The following TSPO variants were observed in gnomAD, a reference collection of about 807,000 sequenced individuals.
TSPO encodes translocator protein.
In TSPO, 14 loss-of-function variants were observed where a neutral mutation model predicts 13.9. The ratio of observed to expected loss-of-function variants is 1.01; its 90% CI spans 0.67 to 1.58. The LOEUF is 1.58. Ranked by LOEUF, TSPO falls within the 40% of genes most tolerant of loss-of-function variation. The pLI is 0.00. For missense variants in TSPO, 232 were observed against 229.6 expected (o/e 1.01, Z -0.07); for synonymous variants, 114 against 105.9 (o/e 1.08, Z -0.47).
At chr22:43,159,597 C>G (rs555505493) in intron 2 of TSPO, 177 bp downstream of exon 2, 2 of 619,284 alleles carry the variant, frequency 3.2e-6, no homozygotes, top group African/African-American at 1.9e-5. Flanking sequence ...TGAACTTTCT[C>G]CTCCTGGGCC....
intron 1 of TSPO, among the ~76,000 whole-genome samples, chr22:43,156,910 G>A (rs1931268021): frequency 6.6e-6 from 1 of 152,184 alleles, no homozygotes; most frequent in Non-Finnish European, 1.5e-5. Context: ...CCTGGGAAAA[G>A]GCACGTACAG....
At chr22:43,153,636 C>A (rs963460199) in intron 1 of TSPO, among the ~76,000 whole-genome samples, 8 of 138,166 alleles carry the variant, frequency 5.8e-5, no homozygotes, top group African/African-American at 2.1e-4. Flanking sequence ...CAGGCGTGAG[C>A]CACCGCGCCC....
intron 1 of TSPO, among the ~76,000 whole-genome samples, chr22:43,153,732 T>A (rs1441332341): frequency 2.6e-5 from 4 of 151,786 alleles, no homozygotes; most frequent in Admixed American, 6.6e-5. Flanking sequence ...TTTTTATTTT[T>A]TTTTTTAACC....
chr22:43,163,040 C>G lies in TSPO; in HGVS notation c.*49C>G. On this transcript the variant is annotated 3_prime_UTR_variant, in exon 4 of 4. Transcript: ENST00000337554. ...AGCTGCACCAGCAGGTGCCATCACG[C>G]TTGTGATGTGGTGGCCGTCACGCTT... 1 of 1,571,072 alleles carries G rather than the reference C, an allele frequency of 6.4e-7. No homozygotes were observed. The highest frequency in any genetic ancestry group is 8.6e-7 in the Non-Finnish European group (1 of 1,158,542).
intron 2 of TSPO, among the ~76,000 whole-genome samples, chr22:43,159,997 G>T (rs1390933426): frequency 2.0e-5 from 3 of 152,136 alleles, no homozygotes; most frequent in Non-Finnish European, 4.4e-5. Flanking sequence ...CAGGAGGCAG[G>T]GAATTGACTG....
intron 2 of TSPO, 44 bp downstream of exon 2, chr22:43,159,464 C>A: frequency 7.1e-7 from 1 of 1,402,700 alleles, no homozygotes; most frequent in Non-Finnish European, 9.3e-7. Flanking sequence ...TGGCCCTTTG[C>A]AAGGGGAGGC....
At position 43,161,179 on chromosome 22, in the gene TSPO, C is replaced by A; in HGVS notation, c.310C>A (p.Gln104Lys). The A allele has an allele frequency of 6.2e-7, 1 of 1,612,874 alleles. No homozygotes were observed. The highest frequency in any genetic ancestry group is 8.5e-7 in the Non-Finnish European group (1 of 1,179,216). The change falls in exon 3 of 4, where the codon CAA (glutamine) becomes AAA (lysine). Residue 104 changes from glutamine (Q) to lysine (K), a missense_variant. By Grantham distance (53) the Gln-to-Lys change is moderately conservative. Coordinates refer to ENST00000337554, the MANE Select transcript of TSPO (RefSeq NM_000714.6). Reference sequence around the variant, plus strand: ...GCCCCCCATCTTCTTTGGTGCCCGACAAATGGGCTGGGTAAGTGTGGCCAC... The same window carrying A: ...GCCCCCCATCTTCTTTGGTGCCCGAAAAATGGGCTGGGTAAGTGTGGCCAC... ...AWPPIFFGAR[Q>K]MGWALVDLLL...
At chr22:43,159,123 A>ATCC in intron 1 of TSPO, 87 bp from the exon 2 acceptor site, 1 of 1,079,104 alleles carries the variant, frequency 9.3e-7, no homozygotes, top group Non-Finnish European at 1.3e-6. Flanking sequence ...TCTGTGGGTG[A>ATCC]CAGGCCTTTC....
chr22:43,157,743 G>A (rs949801573), intron 1 of TSPO, among the ~76,000 whole-genome samples: 3 of 152,142 alleles, frequency 2.0e-5, no homozygotes, highest in African/African-American at 4.8e-5. Flanking sequence ...AGGCTGAGAC[G>A]GGAGAATCCC....
chr22:43,158,150 A>G (rs1931313610), intron 1 of TSPO, among the ~76,000 whole-genome samples: 1 of 150,644 alleles, frequency 6.6e-6, no homozygotes, highest in Non-Finnish European at 1.5e-5. Context: ...ACACCCCTCT[A>G]CCCCCGCTTG....
intron 1 of TSPO, among the ~76,000 whole-genome samples, chr22:43,157,791 C>A (rs537162473): frequency 6.6e-6 from 1 of 152,204 alleles, no homozygotes; most frequent in East Asian, 1.9e-4. Flanking sequence ...GAGCTGAGAT[C>A]GCGCCATTGT....
chr22:43,159,173 C>G (rs972264130), intron 1 of TSPO, 37 bp from the exon 2 acceptor site: 2 of 1,425,074 alleles, frequency 1.4e-6, no homozygotes, highest in Admixed American at 2.7e-5. Flanking sequence ...CCCATGGCCT[C>G]AGGAATGCCC....
At position 43,160,345 on chromosome 22, in the gene TSPO, G is replaced by A. The variant is rs548201426; in HGVS notation, c.183-707G>A. Among the ~76,000 whole-genome samples, 3 of 152,328 alleles carry A rather than the reference G, an allele frequency of 2.0e-5. No individual in the cohort carries two copies. In the East Asian group the frequency reaches 5.8e-4, roughly 29 times the overall value. ...TTAGTAGGTGACAGCCGGGGCTCTG[G>A]CCCTGGCTGACCAGACTTTATCCAC... is the stretch of plus-strand genomic sequence containing the variant. On this transcript the variant is annotated intron_variant, in intron 2 of 3. Coordinates refer to ENST00000337554, the MANE Select transcript of TSPO (RefSeq NM_000714.6).
chr22:43,160,546 G>A (rs1931402589), intron 2 of TSPO, among the ~76,000 whole-genome samples: 1 of 152,178 alleles, frequency 6.6e-6, no homozygotes, highest in Non-Finnish European at 1.5e-5. Context: ...TGTTACTGGT[G>A]GTGTTATCGT....
intron 3 of TSPO, among the ~76,000 whole-genome samples, chr22:43,162,449 A>T (rs935888311): frequency 6.6e-6 from 1 of 152,152 alleles, no homozygotes; most frequent in African/African-American, 2.4e-5. Flanking sequence ...TGGGCCTTGT[A>T]GTAATGCTGG....
In TSPO at chr22:43,163,105, C is replaced by T; in HGVS notation, c.*114C>T. ...CCTGCTAGTCTGTCAGGGCCTTGGC[C>T]CAGGGGTCAGCAGAGCTTCAGAGGT... On this transcript the variant is annotated 3_prime_UTR_variant, in exon 4 of 4. Transcript: ENST00000337554. 6.6e-7 allele frequency: 1 copy of T among 1,514,090 alleles called. No homozygotes were observed. Among genetic ancestry groups the T allele is most frequent in the Non-Finnish European group, 8.8e-7 (1 of 1,130,252 alleles). The allele number at this position is 1,514,090 out of a possible 1,614,324, so 93.8% of individuals were successfully genotyped here. A position where few individuals can be genotyped will look rare whatever the true frequency, so the allele number is the denominator to read the frequency against.
chr22:43,152,640 A>G (rs1267592542), intron 1 of TSPO, among the ~76,000 whole-genome samples: 1 of 152,248 alleles, frequency 6.6e-6, no homozygotes, highest in African/African-American at 2.4e-5. Flanking sequence ...CAGCAGGGGA[A>G]GGCGGCCCCT....
rs1260769301 is a variant in TSPO, at chr22:43,162,869, A to G, written c.388A>G (p.Ser130Gly). 1.9e-6 allele frequency: 3 copies of G among 1,579,974 alleles called. No homozygotes were observed. The highest frequency in any genetic ancestry group is 2.6e-6 in the Non-Finnish European group (3 of 1,164,250). Residue 130 changes from serine to glycine, a missense_variant, in exon 4 of 4, where the codon AGC (serine) becomes GGC (glycine). Transcript: ENST00000337554. ...CACTACCGTGGCCTGGTACCAGGTG[A>G]GCCCGCTGGCCGCCCGCCTGCTCTA... ...AATTVAWYQV[S>G]PLAARLLYPY...
chr22:43,152,141 T>C (rs1931092025), intron 1 of TSPO: 1 of 152,396 alleles, frequency 6.6e-6, no homozygotes, highest in African/African-American at 2.4e-5. Flanking sequence ...CGTTGCAGCC[T>C]AGACGGGTCT....
Sources: allele counts gnomAD v4.1 joint callset (sites outside exome capture counted in the v4.1 genomes callset), GRCh38; gene constraint gnomAD v4.1.1; transcripts MANE v1.5; gene names NCBI Gene and HGNC (gene_info 2026-07-23, HGNC 2026-07-21).